The following HMGB1 variants were observed in gnomAD, a reference collection of about 807,000 sequenced individuals.
The protein encoded by HMGB1 is high mobility group protein B1.
For synonymous variants in HMGB1, 81 were observed against 84.0 expected (o/e 0.96, Z 0.19); for missense variants, 79 against 253.5 (o/e 0.31, Z 4.67).
intron 1 of HMGB1, among the ~76,000 whole-genome samples, chr13:30,524,787 T>G (rs1888327508): frequency 1.7e-5 from 1 of 58,002 alleles, no homozygotes; most frequent in Non-Finnish European, 5.0e-5. Flanking sequence ...TTACCAATAT[T>G]TATGTCTGTA....
At chr13:30,471,761 C>T (rs563985435) in intron 1 of HMGB1, among the ~76,000 whole-genome samples, 8 of 144,394 alleles carry the variant, frequency 5.5e-5, no homozygotes, top group African/African-American at 1.3e-4. Flanking sequence ...GTCCACCTCC[C>T]GGGTTCAAGC....
intron 1 of HMGB1, among the ~76,000 whole-genome samples, chr13:30,492,808 T>C (rs1428689099): frequency 1.3e-5 from 2 of 151,712 alleles, no homozygotes; most frequent in Non-Finnish European, 2.9e-5. Context: ...CAGGCCAACA[T>C]GGTGAATCCC....
Position 30,488,692 on chromosome 13 carries a change from T to TATC in HMGB1, c.-14-24999_-14-24998insGAT, listed in dbSNP as rs1463623333. 5.6e-4 allele frequency among the ~76,000 whole-genome samples: 66 copies of TATC among 117,510 alleles called. 1 individual carries two copies. The highest frequency in any genetic ancestry group is 4.9e-3 in the Admixed American group (56 of 11,376). The allele number at this position is 117,510 out of a possible 152,430, so 77.1% of individuals were successfully genotyped here. A position where few individuals can be genotyped will look rare whatever the true frequency, so the allele number is the denominator to read the frequency against. ...TTATTATTATTATTATTATTATTAT[T>TATC]ATTACTTTTAGATACAGGGTCTCAC... On this transcript the variant is annotated intron_variant, in intron 1 of 4. Transcript: ENST00000405805.
intron 1 of HMGB1, among the ~76,000 whole-genome samples, chr13:30,491,934 C>A (rs1021128113): frequency 6.6e-6 from 1 of 152,068 alleles, no homozygotes; most frequent in Non-Finnish European, 1.5e-5. Context: ...TTTGGGAGGC[C>A]GAGGCGGGCA....
chr13:30,552,136 T>A (rs1407449099), intron 1 of HMGB1, among the ~76,000 whole-genome samples: 1 of 152,200 alleles, frequency 6.6e-6, no homozygotes, highest in Non-Finnish European at 1.5e-5. Context: ...TCAGAAAATT[T>A]AAAAAAGTTG....
intron 1 of HMGB1, among the ~76,000 whole-genome samples, chr13:30,545,702 T>C (rs1370105325): frequency 6.6e-6 from 1 of 152,150 alleles, no homozygotes; most frequent in African/African-American, 2.4e-5. Context: ...TGTTTGTTTG[T>C]GGGTTTTTCT....
chr13:30,519,310 T>C (rs1164473514), intron 1 of HMGB1, among the ~76,000 whole-genome samples: 4 of 143,186 alleles, frequency 2.8e-5, no homozygotes, highest in African/African-American at 1.0e-4. Flanking sequence ...GAAGAATCGC[T>C]TGAACCCAGG....
chr13:30,502,751 C>T (rs1887763001), intron 1 of HMGB1, among the ~76,000 whole-genome samples: 1 of 152,016 alleles, frequency 6.6e-6, no homozygotes, highest in Admixed American at 6.6e-5. Context: ...CTCCACCTCA[C>T]TGCAACCTCT....
At chr13:30,575,103 T>C (rs900302472) in intron 1 of HMGB1, among the ~76,000 whole-genome samples, 2 of 152,234 alleles carry the variant, frequency 1.3e-5, no homozygotes, top group African/African-American at 4.8e-5. Context: ...ATTTTAAGTG[T>C]CAGCGTATAC....
At chr13:30,464,213 A>AGAGG (rs1246311588) in intron 1 of HMGB1, 135 of 985,126 alleles carry the variant, frequency 1.4e-4, no homozygotes, top group Non-Finnish European at 1.6e-4. Context: ...TTTGCTCCAA[A>AGAGG]GAGGGAGCAG....
At chr13:30,570,278 C>A (rs554188485) in intron 1 of HMGB1, among the ~76,000 whole-genome samples, 4 of 152,196 alleles carry the variant, frequency 2.6e-5, no homozygotes, top group South Asian at 4.1e-4. Context: ...CATAGCGAGA[C>A]CTTTTCTCTA....
At chr13:30,604,450 G>T (rs1177327811) in intron 1 of HMGB1, among the ~76,000 whole-genome samples, 1 of 152,130 alleles carries the variant, frequency 6.6e-6, no homozygotes, top group Non-Finnish European at 1.5e-5. Context: ...AACTGTTGGG[G>T]CGGAGTGCTA....
chr13:30,611,782 T>G (rs34579045), intron 1 of HMGB1, among the ~76,000 whole-genome samples: 4,654 of 152,090 alleles, frequency 0.031, 87 homozygotes, highest in Middle Eastern at 0.088. Flanking sequence ...TTTTTGGCTC[T>G]GTGCATCTCT....
rs1021077190 is a variant in HMGB1, at chr13:30,542,145, C to A, written c.-15+74526G>T. 8 of 156,526 alleles carry A rather than the reference C, an allele frequency of 5.1e-5. No homozygotes were observed. The Admixed American group carries it at 5.2e-4, about 10-fold the overall frequency. The allele number at this position is 156,526 out of a possible 1,614,324, so 9.7% of individuals were successfully genotyped here. On this transcript the variant is annotated intron_variant, in intron 1 of 4. Transcript: ENST00000405805. The stretch of plus-strand genomic sequence containing the variant: ...CCCCGCCTGCTCTCCGCAGGCTCTT[C>A]CATGGTCTCCTACAGTCTGGAGGGG...
chr13:30,567,506 C>T (rs910359733), intron 1 of HMGB1, among the ~76,000 whole-genome samples: 1 of 152,060 alleles, frequency 6.6e-6, no homozygotes, highest in East Asian at 1.9e-4. Flanking sequence ...TGCACCCCCA[C>T]ACCCAGCTAA....
At position 30,465,885 on chromosome 13, in the gene HMGB1, G is replaced by C. The variant is rs905710790; in HGVS notation, c.-104C>G. The C allele has an allele frequency of 1.6e-5, 16 of 985,714 alleles. No homozygotes were observed. Among genetic ancestry groups the C allele is most frequent in the Non-Finnish European group, 1.8e-5 (15 of 829,884 alleles). The allele number at this position is 985,714 out of a possible 1,614,324, so 61.1% of individuals were successfully genotyped here. On this transcript the variant is annotated 5_prime_UTR_variant, in exon 1 of 5. Transcript: ENST00000341423. ...TGGAGCTCAATGTACTGCAATGGCT[G>C]TGAGAGCGGGAGCCAGACGCAGCCT... is the stretch of plus-strand genomic sequence containing the variant.
intron 1 of HMGB1, among the ~76,000 whole-genome samples, chr13:30,582,409 C>T (rs900249510): frequency 1.3e-5 from 2 of 152,058 alleles, no homozygotes; most frequent in African/African-American, 2.4e-5. Flanking sequence ...GAGTCCGAGG[C>T]GGGCAGATCA....
chr13:30,483,445 T>A lies in HMGB1; in HGVS notation c.-14-19751A>T, dbSNP rs960388237. Among the ~76,000 whole-genome samples, 16 of 152,124 alleles carry A rather than the reference T, an allele frequency of 1.1e-4. No individual in the cohort carries two copies. The South Asian group carries it at 1.7e-3, about 16-fold the overall frequency. ...GTGTCTCTGATCCCTGTCACTTCCC[T>A]TCATTTCCGAGGCCACCTTCTCCTG... On this transcript the variant is annotated intron_variant, in intron 1 of 4. Coordinates refer to the HMGB1 transcript ENST00000405805.
rs142130482 is a variant in HMGB1 at position 30,498,943 on chromosome 13, C to T, written c.-14-35249G>A. 2.4e-3 allele frequency among the ~76,000 whole-genome samples: 307 copies of T among 127,776 alleles called. 4 individuals carry two copies. The highest frequency in any genetic ancestry group is 7.5e-3 in the African/African-American group (292 of 38,690). The allele number at this position is 127,776 out of a possible 152,430, so 83.8% of individuals were successfully genotyped here. A position where few individuals can be genotyped will look rare whatever the true frequency, so the allele number is the denominator to read the frequency against. On this transcript the variant is annotated intron_variant, in intron 1 of 4. Coordinates refer to the HMGB1 transcript ENST00000405805. The stretch of plus-strand genomic sequence containing the variant: ...GATTACAAGTGTGAGCCACTGCGCC[C>T]AGCCTCTTTTTTGTTTTTTTTTTTT...
Sources: gnomAD v4.1 joint callset for allele counts (sites outside exome capture counted in the v4.1 genomes callset) on GRCh38, gnomAD v4.1.1 for gene constraint, MANE v1.5 for transcripts, NCBI Gene and HGNC (gene_info 2026-07-23, HGNC 2026-07-21) for gene names.